Variants in CST3 observed in about 807,000 individuals in gnomAD.
The protein encoded by CST3 is cystatin C.
CST3 carries 14 observed loss-of-function variants against 9.0 expected under a neutral mutation model. The observed-to-expected ratio is 1.56, with a 90% CI of 1.03 to 2.44. The LOEUF is 2.44. CST3 is among the 30% of genes most tolerant of loss of function. The probability of loss-of-function intolerance (pLI) is 0.00; values close to 1 mark genes in which losing one functional copy is unlikely to be tolerated. For synonymous variants in CST3, 96 were observed against 90.2 expected (o/e 1.06, Z -0.37); for missense variants, 237 against 204.3 (o/e 1.16, Z -0.98).
At chr20:23,634,025 T>C (rs1279618850) in intron 2 of CST3, 26 bp from the exon 3 acceptor site, 5 of 1,590,066 alleles carry the variant, frequency 3.1e-6, no homozygotes, top group Non-Finnish European at 4.3e-6. Context: ...GAGGGGACAA[T>C]CAGTGTGGGT....
rs570846862 is a variant in CST3 at position 23,637,528 on chromosome 20, C to T, written c.243+92G>A. ...GGGTCCGGGTGAGAAGCCCAGGCGC[C>T]GGAGAGGAGCAGCACGGGGTCCGGG... On this transcript the variant is annotated intron_variant, in intron 1 of 2. Transcript: ENST00000376925. 5.6e-6 allele frequency: 7 copies of T among 1,253,048 alleles called. No individual in the cohort carries two copies. The African/African-American group carries it at 1.1e-4, about 20-fold the overall frequency. 77.6% of individuals were successfully genotyped at this position (1,253,048 alleles called of 1,614,324 possible).
chr20:23,628,843 G>T (rs1490195008), downstream of CST3: 1 of 152,278 alleles, frequency 6.6e-6, no homozygotes, highest in East Asian at 1.9e-4. Context: ...GTCCTCCCGC[G>T]TCAGCCTCCA....
downstream of CST3, chr20:23,628,704 C>T (rs901453243): frequency 6.6e-6 from 1 of 152,056 alleles, no homozygotes; most frequent in African/African-American, 2.4e-5. Flanking sequence ...TCCATTATAA[C>T]CCACCTGCTC....
Position 23,637,666 on chromosome 20 carries a change from T to C in CST3, c.197A>G (p.Asp66Gly). Residue 66 changes from aspartate (D) to glycine (G), a missense_variant, in exon 1 of 3, where the codon GAC becomes GGC. Transcript: ENST00000376925. The part of the protein sequence containing the change: ...AVGEYNKASN[D>G]MYHSRALQVV... ...CTGCAGCGCGCGGCTGTGGTACATG[T>C]CGTTGCTGGCTTTGTTGTACTCGCC... is the stretch of plus-strand genomic sequence containing the variant. 1 of 1,535,950 alleles carries C rather than the reference T, an allele frequency of 6.5e-7. No individual in the cohort carries two copies. Among genetic ancestry groups the C allele is most frequent in the Non-Finnish European group, 8.8e-7 (1 of 1,141,898 alleles).
At position 23,637,806 on chromosome 20, in the gene CST3, C is replaced by A; in HGVS notation, c.57G>T (p.Leu19=). ...TGGAGCCGGCCGCGGGGCTCACGGC[C>A]AGGGCCACGGCCAGGATGGCCAGCA... ...LLLLAILAVA[L]AVSPAAGSSP... The change falls in exon 1 of 3, where the codon CTG becomes CTT. Residue 19 remains leucine (L), a synonymous_variant. Transcript: ENST00000376925. 1.3e-6 allele frequency: 2 copies of A among 1,516,772 alleles called. No individual in the cohort carries two copies. The highest frequency in any genetic ancestry group is 1.8e-6 in the Non-Finnish European group (2 of 1,133,668). 94.0% of individuals were successfully genotyped at this position (1,516,772 alleles called of 1,614,324 possible).
chr20:23,637,565 G>C (rs972655996), intron 1 of CST3, 55 bp downstream of exon 1: 4 of 1,417,436 alleles, frequency 2.8e-6, no homozygotes, highest in Non-Finnish European at 3.7e-6. Context: ...GCAGCGCGGG[G>C]GGAGGCTGGG....
In CST3 at chr20:23,637,651, C is replaced by T. The variant is rs11542360; in HGVS notation, c.212G>A (p.Arg71His). The part of the protein sequence containing the change: ...NKASNDMYHS[R>H]ALQVVRARKQ... The stretch of plus-strand genomic sequence containing the variant: ...GCGGGCGCGCACCACCTGCAGCGCG[C>T]GGCTGTGGTACATGTCGTTGCTGGC... The change falls in exon 1 of 3, where the codon CGC becomes CAC. Residue 71 changes from arginine to histidine, a missense_variant. By Grantham distance (29) the Arg-to-His change is conservative. Coordinates refer to ENST00000376925, the MANE Select transcript of CST3 (RefSeq NM_000099.4). 1.0e-5 allele frequency: 16 copies of T among 1,528,082 alleles called. No individual in the cohort carries two copies. The highest frequency in any genetic ancestry group is 2.6e-5 in the East Asian group (1 of 38,120). The allele number at this position is 1,528,082 out of a possible 1,614,324, so 94.7% of individuals were successfully genotyped here.
intron 2 of CST3, 78 bp from the exon 3 acceptor site, chr20:23,634,077 G>A (rs563743240): frequency 1.1e-5 from 13 of 1,183,594 alleles, no homozygotes; most frequent in Non-Finnish European, 1.4e-5. Flanking sequence ...GGACATCAGA[G>A]TGGGAGTGAA....
chr20:23,630,204 G>A (rs6515375), downstream of CST3, among the ~76,000 whole-genome samples: 31,395 of 152,080 alleles, frequency 0.21, 3,438 homozygotes, highest in South Asian at 0.32. Flanking sequence ...TTTCCGACTG[G>A]GATCATGGGA....
chr20:23,627,390 T>G (rs1979291917), exon 4 of CST3: 3 of 152,232 alleles, frequency 2.0e-5, no homozygotes, highest in Non-Finnish European at 4.4e-5. Context: ...TGCCCGTTCA[T>G]TTTCCATTGT....
chr20:23,636,086 G>A (rs1979663061), intron 1 of CST3, among the ~76,000 whole-genome samples: 1 of 152,132 alleles, frequency 6.6e-6, no homozygotes, highest in Non-Finnish European at 1.5e-5. Flanking sequence ...GTGTCAGTCT[G>A]CTCCTCTGTA....
rs773883603 is a variant in CST3, at chr20:23,635,324, C to G, written c.287G>C (p.Arg96Pro). 6.2e-6 allele frequency: 10 copies of G among 1,613,854 alleles called. No individual in the cohort carries two copies. In the South Asian group the frequency reaches 8.8e-5, roughly 14 times the overall value. The change falls in exon 2 of 3, where the codon CGA becomes CCA. Residue 96 changes from arginine to proline, a missense_variant. Transcript: ENST00000376925. The part of the protein sequence containing the change: ...VNYFLDVELG[R>P]TTCTKTQPNL... Reference sequence around the variant, plus strand: ...GGGCTGGGTCTTGGTACACGTGGTTCGGCCCAGCTCCACGTCCAAGAAGTA... The same window carrying G: ...GGGCTGGGTCTTGGTACACGTGGTTGGGCCCAGCTCCACGTCCAAGAAGTA...
chr20:23,634,033 G>T, intron 2 of CST3, 34 bp from the exon 3 acceptor site: 1 of 1,575,742 alleles, frequency 6.3e-7, no homozygotes, highest in Non-Finnish European at 8.7e-7. Flanking sequence ...AATCAGTGTG[G>T]GTTACAGTTC....
chr20:23,634,119 C>T, intron 2 of CST3, 120 bp from the exon 3 acceptor site: 1 of 809,176 alleles, frequency 1.2e-6, no homozygotes. Flanking sequence ...GGGCCCTTAT[C>T]TACCCCTCCA....
At chr20:23,635,182 TCACACACACA>T (rs3067508) in intron 2 of CST3, 62 bp downstream of exon 2, 47 of 1,104,034 alleles carry the variant, frequency 4.3e-5, no homozygotes, top group Non-Finnish European at 5.9e-5. Context: ...AACATGTGCA[TCACACACACA>T]CACACACACA....
At chr20:23,635,036 C>T (rs1041770700) in intron 2 of CST3, among the ~76,000 whole-genome samples, 2 of 151,932 alleles carry the variant, frequency 1.3e-5, no homozygotes, top group Non-Finnish European at 2.9e-5. Flanking sequence ...ATGCATAAAC[C>T]CCCACACTTC....
chr20:23,633,007 C>T (rs527879581), downstream of CST3, among the ~76,000 whole-genome samples: 3 of 152,280 alleles, frequency 2.0e-5, no homozygotes, highest in South Asian at 6.2e-4. Context: ...AGAGAAAGGG[C>T]TGGTGGCTAT....
chr20:23,627,866 GT>G (rs1319778771), exon 4 of CST3: 10 of 152,022 alleles, frequency 6.6e-5, no homozygotes, highest in Admixed American at 6.6e-5. Context: ...AAATTGGTTT[GT>G]TTCTTTAAAA....
chr20:23,637,677 TTTG>T lies in CST3; in HGVS notation c.183_185del (p.Asn61del). 2.6e-6 allele frequency: 4 copies of T among 1,539,394 alleles called. No homozygotes were observed. Among genetic ancestry groups the T allele is most frequent in the Non-Finnish European group, 2.6e-6 (3 of 1,143,446 alleles). ...GGCTGTGGTACATGTCGTTGCTGGC[TTTG>T]TTGTACTCGCCGACGGCAAAGTCCA... On this transcript the variant is annotated inframe_deletion, in exon 1 of 3. Coordinates refer to ENST00000376925, the MANE Select transcript of CST3 (RefSeq NM_000099.4).
Sources: gnomAD v4.1 joint callset for allele counts (sites outside exome capture counted in the v4.1 genomes callset) on GRCh38, gnomAD v4.1.1 for gene constraint, MANE v1.5 for transcripts, NCBI Gene and HGNC (gene_info 2026-07-23, HGNC 2026-07-21) for gene names.